GPR158: variants seen among roughly 807,000 people sequenced by gnomAD.
GPR158 encodes the protein metabotropic glycine receptor.
Under a neutral mutation model 78.2 loss-of-function variants are expected in GPR158, and 30 were observed. The observed-to-expected ratio is 0.38, with a 90% CI of 0.29 to 0.52. The LOEUF (loss-of-function observed/expected upper bound fraction) is 0.52, where lower values mean the gene tolerates loss of function less well. GPR158 is among the 20% of genes least tolerant of loss of function. The pLI is 0.83. For synonymous variants in GPR158, 581 were observed against 591.1 expected, an observed-to-expected ratio of 0.98 and a Z score of 0.25; for missense variants, 1,463 against 1,523.5, an observed-to-expected ratio of 0.96 and a Z score of 0.66.
chr10:25,360,151 T>G (rs1221973036), intron 2 of GPR158, among the ~76,000 whole-genome samples: 2 of 152,200 alleles, frequency 1.3e-5, no homozygotes, highest in African/African-American at 4.8e-5. Context: ...TTCTGGATAT[T>G]AGCCCTTTGT....
chr10:25,344,868 A>C (rs945149863), intron 2 of GPR158, among the ~76,000 whole-genome samples: 2 of 151,994 alleles, frequency 1.3e-5, no homozygotes, highest in Non-Finnish European at 1.5e-5. Context: ...AGGTGCCAGC[A>C]GATTTTCTGG....
intron 1 of GPR158, among the ~76,000 whole-genome samples, chr10:25,181,665 T>C (rs780344645): frequency 6.6e-6 from 1 of 152,218 alleles, no homozygotes; most frequent in Admixed American, 6.5e-5. Flanking sequence ...AGATGACTCC[T>C]TATAAACCTA....
intron 7 of GPR158, among the ~76,000 whole-genome samples, chr10:25,585,849 C>T (rs1025339857): frequency 5.9e-5 from 9 of 152,132 alleles, no homozygotes; most frequent in African/African-American, 1.9e-4. Context: ...CATGGTGGCT[C>T]ATGCCTGTAA....
chr10:25,310,875 C>G lies in GPR158; in HGVS notation c.1009-85036C>G, dbSNP rs577480066. Among the ~76,000 whole-genome samples, 459 of 152,066 alleles carry G rather than the reference C, an allele frequency of 3.0e-3. 1 individual carries two copies. Among genetic ancestry groups the G allele is most frequent in the South Asian group, 0.015 (73 of 4,820 alleles). On this transcript the variant is annotated intron_variant, in intron 2 of 10. Coordinates refer to ENST00000376351, the MANE Select transcript of GPR158 (RefSeq NM_020752.3). ...TATTTATGTCTGGATTTTTGATACA[C>G]TTGGAATTGTGTATGTTTGAGTTAT...
chr10:25,558,024 C>A (rs2130718600), intron 6 of GPR158, among the ~76,000 whole-genome samples: 1 of 152,306 alleles, frequency 6.6e-6, no homozygotes, highest in South Asian at 2.1e-4. Flanking sequence ...ACGTTCAAAG[C>A]TTTTCAATCT....
At chr10:25,554,080 TA>T (rs765818982) in intron 6 of GPR158, among the ~76,000 whole-genome samples, 9 of 152,076 alleles carry the variant, frequency 5.9e-5, no homozygotes, top group Non-Finnish European at 8.8e-5. Flanking sequence ...ATTGGAAGGA[TA>T]GGGGGAATGT....
At chr10:25,558,442 G>T (rs938031388) in intron 6 of GPR158, among the ~76,000 whole-genome samples, 1 of 152,126 alleles carries the variant, frequency 6.6e-6, no homozygotes, top group African/African-American at 2.4e-5. Flanking sequence ...ATTACTTCAG[G>T]CAGCAAAACG....
At chr10:25,525,750 CTG>C (rs1447168090) in intron 5 of GPR158, among the ~76,000 whole-genome samples, 2 of 152,100 alleles carry the variant, frequency 1.3e-5, no homozygotes, top group East Asian at 3.9e-4. Context: ...TTGTACAACT[CTG>C]TGACTATACT....
At chr10:25,497,036 A>G (rs2130653672) in intron 5 of GPR158, among the ~76,000 whole-genome samples, 1 of 152,258 alleles carries the variant, frequency 6.6e-6, no homozygotes, top group Non-Finnish European at 1.5e-5. Context: ...GAGGTGAGGA[A>G]AAGTATCCCA....
chr10:25,547,994 T>G (rs893173801), intron 5 of GPR158, among the ~76,000 whole-genome samples: 17 of 152,122 alleles, frequency 1.1e-4, no homozygotes, highest in African/African-American at 4.1e-4. Flanking sequence ...ACATCTGATG[T>G]TTTTTATGGC....
chr10:25,412,043 A>AT (rs1041544674), intron 3 of GPR158, among the ~76,000 whole-genome samples: 1 of 149,490 alleles, frequency 6.7e-6, no homozygotes, highest in African/African-American at 2.4e-5. Flanking sequence ...ACCACTTTCA[A>AT]TGATGATTTT....
At chr10:25,314,114 T>C (rs189011064) in intron 2 of GPR158, among the ~76,000 whole-genome samples, 9 of 152,296 alleles carry the variant, frequency 5.9e-5, no homozygotes, top group African/African-American at 2.2e-4. Context: ...TTTATTTATT[T>C]ATTTAGAGAC....
chr10:25,206,130 C>A (rs1246748751), intron 1 of GPR158, among the ~76,000 whole-genome samples: 1 of 151,852 alleles, frequency 6.6e-6, no homozygotes, highest in Non-Finnish European at 1.5e-5. Flanking sequence ...GGACTACAGG[C>A]GCCCACCACC....
chr10:25,366,011 T>C (rs192147097), intron 2 of GPR158, among the ~76,000 whole-genome samples: 308 of 151,860 alleles, frequency 2.0e-3, no homozygotes, highest in African/African-American at 7.2e-3. Context: ...TTGTTCAACA[T>C]TGAGTGATTA....
chr10:25,474,775 A>G (rs1287399263), intron 5 of GPR158, among the ~76,000 whole-genome samples: 1 of 152,144 alleles, frequency 6.6e-6, no homozygotes, highest in Non-Finnish European at 1.5e-5. Context: ...TTATACTTAG[A>G]TGAACTTAGA....
intron 2 of GPR158, among the ~76,000 whole-genome samples, chr10:25,281,135 CAA>C (rs35128473): frequency 2.5e-4 from 28 of 112,044 alleles, no homozygotes; most frequent in Admixed American, 5.9e-4. Flanking sequence ...AACTCTATCT[CAA>C]AAAAAAAAAA....
intron 5 of GPR158, among the ~76,000 whole-genome samples, chr10:25,512,611 T>C (rs1422849777): frequency 1.3e-5 from 2 of 152,174 alleles, no homozygotes; most frequent in African/African-American, 4.8e-5. Context: ...TGTGTTCCAG[T>C]TCTCAGGGGG....
At chr10:25,397,311 A>G (rs1439942848) in intron 3 of GPR158, among the ~76,000 whole-genome samples, 2 of 152,330 alleles carry the variant, frequency 1.3e-5, no homozygotes, top group South Asian at 2.1e-4. Flanking sequence ...AACTCTTGCC[A>G]CATCACCTTA....
At chr10:25,490,563 A>G (rs1319205946) in intron 5 of GPR158, among the ~76,000 whole-genome samples, 1 of 147,442 alleles carries the variant, frequency 6.8e-6, no homozygotes, top group Non-Finnish European at 1.5e-5. Flanking sequence ...TGTTCTTGCG[A>G]TAGGTTACTG....
Sources: allele counts gnomAD v4.1 joint callset (sites outside exome capture counted in the v4.1 genomes callset), GRCh38; gene constraint gnomAD v4.1.1; transcripts MANE v1.5; gene names NCBI Gene and HGNC (gene_info 2026-07-23, HGNC 2026-07-21).